IQCB1: variants seen among roughly 807,000 people sequenced by gnomAD.
IQCB1 encodes IQ calmodulin-binding motif-containing protein 1.
Under a neutral mutation model 84.4 loss-of-function variants are expected in IQCB1, and 56 were observed. The ratio of observed to expected loss-of-function variants is 0.66; its 90% CI spans 0.54 to 0.83. The LOEUF (loss-of-function observed/expected upper bound fraction) is 0.83. Ranked by LOEUF, IQCB1 falls within the 40% of genes least tolerant of loss-of-function variation. The pLI is 0.00. For missense variants in IQCB1, 629 were observed against 682.1 expected (o/e 0.92, Z 0.87); for synonymous variants, 210 against 234.8 (o/e 0.89, Z 0.96).
intron 13 of IQCB1, among the ~76,000 whole-genome samples, chr3:121,780,485 T>C (rs1335520760): frequency 1.3e-5 from 2 of 152,302 alleles, no homozygotes; most frequent in South Asian, 2.1e-4. Context: ...GGGCCTGATA[T>C]AGAAGGGTAG....
In IQCB1 at chr3:121,790,813, C is replaced by A. The variant is rs1334658089; in HGVS notation, c.987-598G>T. On this transcript the variant is annotated intron_variant, in intron 10 of 14. Coordinates refer to ENST00000310864, the MANE Select transcript of IQCB1 (RefSeq NM_001023570.4). ...AAAAAAATAAAAAACATTAAAATTT[C>A]AAGTGATTTTTACTGCATGATGTAA... Among the ~76,000 whole-genome samples, 5 of 152,180 alleles carry A rather than the reference C, an allele frequency of 3.3e-5. No homozygotes were observed. In the East Asian group the frequency reaches 9.7e-4, roughly 29 times the overall value.
intron 5 of IQCB1, among the ~76,000 whole-genome samples, chr3:121,812,709 C>T (rs1012928358): frequency 6.6e-6 from 1 of 151,768 alleles, no homozygotes. Context: ...AGTGTGAAGA[C>T]AAGATTAGAG....
At chr3:121,772,856 A>T (rs996383309) in intron 13 of IQCB1, 143 bp from the exon 14 acceptor site, 1 of 760,220 alleles carries the variant, frequency 1.3e-6, no homozygotes, top group Non-Finnish European at 2.2e-6. Context: ...TTGTACTCTT[A>T]TGCAAGTATT....
intron 10 of IQCB1, among the ~76,000 whole-genome samples, chr3:121,795,102 T>A (rs147250477): frequency 3.5e-3 from 535 of 152,212 alleles, no homozygotes; most frequent in Non-Finnish European, 6.3e-3. Flanking sequence ...AGACTTAAAC[T>A]CTTATACGCA....
intron 12 of IQCB1, among the ~76,000 whole-genome samples, chr3:121,786,170 C>CAAGAAAAGAAAGAAAAGAAAAG: frequency 4.1e-5 from 3 of 72,864 alleles, no homozygotes; most frequent in Non-Finnish European, 7.6e-5. Context: ...GATTCTGTCT[C>CAAGAAAAGAAAGAAAAGAAAAG]AAAAGAAAAG....
chr3:121,788,230 G>T, intron 12 of IQCB1, 54 bp downstream of exon 12: 1 of 1,554,542 alleles, frequency 6.4e-7, no homozygotes, highest in South Asian at 1.1e-5. Context: ...AGTCAGTTTT[G>T]AACTCATGTT....
chr3:121,777,999 C>T (rs1948300248), intron 13 of IQCB1, among the ~76,000 whole-genome samples: 1 of 151,934 alleles, frequency 6.6e-6, no homozygotes, highest in African/African-American at 2.4e-5. Context: ...CCTCAACCTC[C>T]TGAGCTCAAG....
At chr3:121,810,294 A>C (rs1949775944) in intron 5 of IQCB1, among the ~76,000 whole-genome samples, 1 of 152,178 alleles carries the variant, frequency 6.6e-6, no homozygotes, top group African/African-American at 2.4e-5. Flanking sequence ...TATCTAATTA[A>C]AACAAAAATC....
intron 12 of IQCB1, among the ~76,000 whole-genome samples, chr3:121,787,852 C>T (rs1948801850): frequency 6.6e-6 from 1 of 151,952 alleles, no homozygotes; most frequent in Non-Finnish European, 1.5e-5. Flanking sequence ...TCACATGCTG[C>T]ACTTGCACAG....
At chr3:121,807,540 C>G in intron 6 of IQCB1, 97 bp from the exon 7 acceptor site, 1 of 677,294 alleles carries the variant, frequency 1.5e-6, no homozygotes. Context: ...GCATGACCAT[C>G]TCTGCTAAAC....
At position 121,828,544 on chromosome 3, in the gene IQCB1, G is replaced by C; in HGVS notation, c.189C>G (p.Leu63=). The C allele has an allele frequency of 6.2e-7, 1 of 1,610,770 alleles. No individual in the cohort carries two copies. Among genetic ancestry groups the C allele is most frequent in the Non-Finnish European group, 8.5e-7 (1 of 1,177,070 alleles). Reference sequence around the variant, plus strand: ...GAGAATAATCTTGACTGAGGACCAAGAGGCAATATTGAATGAGATCATAAC... The same window carrying C: ...GAGAATAATCTTGACTGAGGACCAACAGGCAATATTGAATGAGATCATAAC... The part of the protein sequence containing the change: ...IYCYDLIQYC[L]LVLSQDYSRI... Residue 63 remains leucine, a synonymous_variant, in exon 4 of 15, where the codon CTC becomes CTG. Transcript: ENST00000310864.
chr3:121,778,260 T>A (rs1412275296), intron 13 of IQCB1, among the ~76,000 whole-genome samples: 1 of 152,192 alleles, frequency 6.6e-6, no homozygotes, highest in African/African-American at 2.4e-5. Flanking sequence ...GAGTTCCTTG[T>A]AGATTCTAGA....
chr3:121,781,692 A>G (rs752629337), intron 13 of IQCB1, 51 bp downstream of exon 13: 2 of 1,501,496 alleles, frequency 1.3e-6, no homozygotes, highest in Admixed American at 1.7e-5. Context: ...ACAGTTATCA[A>G]TATCATGCAT....
chr3:121,784,364 G>A (rs1948626232), intron 12 of IQCB1, among the ~76,000 whole-genome samples: 1 of 151,728 alleles, frequency 6.6e-6, no homozygotes, highest in African/African-American at 2.4e-5. Context: ...TGCTTTCTGT[G>A]AGATTTCTTT....
intron 7 of IQCB1, among the ~76,000 whole-genome samples, chr3:121,803,188 G>A (rs1185811627): frequency 2.0e-5 from 3 of 152,026 alleles, no homozygotes; most frequent in Non-Finnish European, 4.4e-5. Flanking sequence ...CCAAGTAGCT[G>A]GGACTAGAGG....
rs1947897057 is a variant in IQCB1 at position 121,769,828 on chromosome 3, C to T, written c.*517G>A. On this transcript the variant is annotated 3_prime_UTR_variant, in exon 15 of 15. Coordinates refer to ENST00000310864, the MANE Select transcript of IQCB1 (RefSeq NM_001023570.4). ...GGTATGCAGTTCCTTTTAGAAATAACAAAATAGAAAATGAGTTCAACCATT... is the reference window on the plus strand; with the variant it reads ...GGTATGCAGTTCCTTTTAGAAATAATAAAATAGAAAATGAGTTCAACCATT... 6.5e-6 allele frequency: 1 copy of T among 153,530 alleles called. No homozygotes were observed. Among genetic ancestry groups the T allele is most frequent in the Admixed American group, 6.4e-5 (1 of 15,534 alleles). 9.5% of individuals were successfully genotyped at this position (153,530 alleles called of 1,614,324 possible).
intron 2 of IQCB1, among the ~76,000 whole-genome samples, chr3:121,832,439 G>T (rs1013156185): frequency 2.0e-5 from 3 of 150,790 alleles, no homozygotes; most frequent in African/African-American, 7.3e-5. Flanking sequence ...GTGATTTCAT[G>T]CCTCAGCCTC....
At position 121,786,381 on chromosome 3, in the gene IQCB1, C is replaced by T. The variant is rs145396111; in HGVS notation, c.1278+1903G>A. 2.1e-4 allele frequency among the ~76,000 whole-genome samples: 32 copies of T among 151,356 alleles called. No individual in the cohort carries two copies. In the East Asian group the frequency reaches 5.4e-3, roughly 26 times the overall value. On this transcript the variant is annotated intron_variant, in intron 12 of 14. Coordinates refer to ENST00000310864, the MANE Select transcript of IQCB1 (RefSeq NM_001023570.4). Reference sequence around the variant, plus strand: ...GCATGGTGGTTCATGCCTATAATCTCAGCACTTAGGGAGGCTGAGGCAGGA... The same window carrying T: ...GCATGGTGGTTCATGCCTATAATCTTAGCACTTAGGGAGGCTGAGGCAGGA...
rs9883467 is a variant in IQCB1, at chr3:121,798,986, G to A, written c.766+210C>T. Among the ~76,000 whole-genome samples, 37,374 of 151,522 alleles carry A rather than the reference G, an allele frequency of 0.25. 4,946 individuals carry two copies. The highest frequency in any genetic ancestry group is 0.28 in the Non-Finnish European group (18,987 of 67,668). ...GTAAATATTTATGGCAACCTGATCA[G>A]AAAAGTATCTTCCACATGCTATCTG... On this transcript the variant is annotated intron_variant, in intron 8 of 14. Transcript: ENST00000310864.
Sources: gnomAD v4.1 joint callset for allele counts (sites outside exome capture counted in the v4.1 genomes callset) on GRCh38, gnomAD v4.1.1 for gene constraint, MANE v1.5 for transcripts, NCBI Gene and HGNC (gene_info 2026-07-23, HGNC 2026-07-21) for gene names.